HDAC9: variants seen among roughly 807,000 people sequenced by gnomAD.
HDAC9 encodes histone deacetylase 9, also known as MEF-2 interacting transcription repressor (MITR) protein.
A neutral mutation model predicts 139.4 loss-of-function variants in HDAC9; 41 were observed. The ratio of observed to expected loss-of-function variants is 0.29; its 90% CI spans 0.23 to 0.38. HDAC9 has a LOEUF of 0.38. HDAC9 is among the 10% of genes least tolerant of loss of function. The pLI, the probability that HDAC9 is intolerant of heterozygous loss-of-function variation, is 1.00. For missense variants in HDAC9, 1,147 were observed against 1,297.0 expected (o/e 0.88, Z 1.78); for synonymous variants, 517 against 476.2 (o/e 1.09, Z -1.12).
At chr7:18,960,106 A>G (rs6977642) in intron 24 of HDAC9, among the ~76,000 whole-genome samples, 60,419 of 151,790 alleles carry the variant, frequency 0.4, 12,380 homozygotes, top group South Asian at 0.52. Flanking sequence ...ACTTTTGAGG[A>G]CAATTTGAAA....
At chr7:18,272,176 A>G (rs1167628157) in intron 2 of HDAC9, among the ~76,000 whole-genome samples, 1 of 152,148 alleles carries the variant, frequency 6.6e-6, no homozygotes, top group African/African-American at 2.4e-5. Context: ...CTCTACCAGC[A>G]ATTATAGTAT....
chr7:18,429,753 G>A (rs1158996312), intron 1 of HDAC9, among the ~76,000 whole-genome samples: 2 of 152,110 alleles, frequency 1.3e-5, no homozygotes, highest in Admixed American at 6.5e-5. Flanking sequence ...TCTTTGAAAC[G>A]AATCATCGAA....
intron 1 of HDAC9, among the ~76,000 whole-genome samples, chr7:18,327,960 T>G (rs1212271388): frequency 6.6e-6 from 1 of 152,008 alleles, no homozygotes; most frequent in Non-Finnish European, 1.5e-5. Context: ...CTTTCAGCAA[T>G]AGGCTGCCAT....
chr7:18,271,321 C>T (rs142741865), intron 2 of HDAC9, among the ~76,000 whole-genome samples: 71 of 152,082 alleles, frequency 4.7e-4, no homozygotes, highest in Non-Finnish European at 8.5e-4. Context: ...GAGATTGTAC[C>T]GGAGCTTTTT....
At chr7:18,233,852 A>G (rs1793639678) in intron 2 of HDAC9, among the ~76,000 whole-genome samples, 2 of 152,306 alleles carry the variant, frequency 1.3e-5, no homozygotes, top group South Asian at 2.1e-4. Context: ...TATCTTGTCA[A>G]CACAAGGTCC....
chr7:18,805,512 T>A (rs754957334), intron 17 of HDAC9, among the ~76,000 whole-genome samples: 1 of 152,196 alleles, frequency 6.6e-6, no homozygotes, highest in South Asian at 2.1e-4. Context: ...GCAAGGATTT[T>A]TCCCCCTGCG....
At chr7:18,693,288 TG>T (rs1444319475) in intron 12 of HDAC9, among the ~76,000 whole-genome samples, 4 of 152,090 alleles carry the variant, frequency 2.6e-5, no homozygotes, top group Non-Finnish European at 5.9e-5. Context: ...GCAATGTTTT[TG>T]TAATAGTTAT....
chr7:18,859,844 A>ATGTGTGTGTGTGTGTGTGTG (rs1488141588), intron 21 of HDAC9, among the ~76,000 whole-genome samples: 29 of 123,170 alleles, frequency 2.4e-4, no homozygotes, highest in Admixed American at 6.4e-4. Flanking sequence ...ATATATATAT[A>ATGTGTGTGTGTGTGTGTGTG]TATATATATA....
At chr7:18,521,763 AT>A (rs1805124088) in intron 2 of HDAC9, among the ~76,000 whole-genome samples, 1 of 152,192 alleles carries the variant, frequency 6.6e-6, no homozygotes, top group South Asian at 2.1e-4. Flanking sequence ...GTGAACCTAT[AT>A]TCAGATTTAC....
chr7:18,534,117 T>A (rs960489662), intron 2 of HDAC9, among the ~76,000 whole-genome samples: 14 of 152,292 alleles, frequency 9.2e-5, no homozygotes, highest in African/African-American at 3.4e-4. Flanking sequence ...TTGGGAGCCT[T>A]CATATTTAAA....
At chr7:18,171,307 C>T (rs894299252) in intron 2 of HDAC9, among the ~76,000 whole-genome samples, 1 of 152,134 alleles carries the variant, frequency 6.6e-6, no homozygotes, top group Non-Finnish European at 1.5e-5. Context: ...TATCCTGAGA[C>T]TTTGCTGAAG....
At chr7:18,965,501 G>A (rs1344645328) in intron 24 of HDAC9, among the ~76,000 whole-genome samples, 1 of 152,170 alleles carries the variant, frequency 6.6e-6, no homozygotes, top group Non-Finnish European at 1.5e-5. Flanking sequence ...TACACAAGGA[G>A]TCATGTACAA....
intron 22 of HDAC9, among the ~76,000 whole-genome samples, chr7:18,922,603 T>G (rs1385306102): frequency 6.6e-6 from 1 of 152,072 alleles, no homozygotes; most frequent in Non-Finnish European, 1.5e-5. Flanking sequence ...CAGGAGATTC[T>G]GATTAACCAA....
chr7:18,227,589 G>A (rs960640790), intron 2 of HDAC9, among the ~76,000 whole-genome samples: 1 of 152,074 alleles, frequency 6.6e-6, no homozygotes, highest in Non-Finnish European at 1.5e-5. Context: ...CAGATAAAGA[G>A]CCTGGAACCA....
At chr7:18,665,674 T>TA (rs1253160141) in intron 11 of HDAC9, among the ~76,000 whole-genome samples, 4 of 152,132 alleles carry the variant, frequency 2.6e-5, no homozygotes. Context: ...TTCTAGTTCT[T>TA]ACAAATATAT....
intron 17 of HDAC9, among the ~76,000 whole-genome samples, chr7:18,824,069 G>GAAGAAGAAGAAC (rs1795213158): frequency 6.7e-6 from 1 of 150,224 alleles, no homozygotes; most frequent in African/African-American, 2.5e-5. Context: ...AGAAGAAGAA[G>GAAGAAGAAGAAC]AAGAAGAAGA....
intron 12 of HDAC9, among the ~76,000 whole-genome samples, chr7:18,687,634 A>C (rs182769447): frequency 6.6e-6 from 1 of 151,964 alleles, no homozygotes; most frequent in African/African-American, 2.4e-5. Flanking sequence ...GGAATAAATT[A>C]TTTCAACATA....
upstream of HDAC9, among the ~76,000 whole-genome samples, chr7:18,491,012 T>C (rs185963718): frequency 7.9e-5 from 12 of 152,086 alleles, no homozygotes; most frequent in East Asian, 2.3e-3. Flanking sequence ...AAGTCTCTGC[T>C]TGATTACAGA....
chr7:18,768,987 A>G (rs1400229750), intron 16 of HDAC9, among the ~76,000 whole-genome samples: 1 of 152,220 alleles, frequency 6.6e-6, no homozygotes, highest in Non-Finnish European at 1.5e-5. Flanking sequence ...AATGTTTGGC[A>G]TGAATAAGGT....
Sources: gnomAD v4.1 joint callset for allele counts (sites outside exome capture counted in the v4.1 genomes callset) on GRCh38, gnomAD v4.1.1 for gene constraint, MANE v1.5 for transcripts, NCBI Gene and HGNC (gene_info 2026-07-23, HGNC 2026-07-21) for gene names.